The following LRBA variants were observed in gnomAD, a reference collection of about 807,000 sequenced individuals.
LRBA encodes the protein LPS responsive beige-like anchor protein.
Under a neutral mutation model 330.0 loss-of-function variants are expected in LRBA, and 176 were observed. The observed-to-expected ratio is 0.53, with a 90% CI of 0.47 to 0.60. LRBA has a LOEUF of 0.60. Ranked by LOEUF, LRBA falls within the 20% of genes least tolerant of loss-of-function variation. The probability of loss-of-function intolerance (pLI) is 0.00; values close to 1 mark genes in which losing one functional copy is unlikely to be tolerated. For synonymous variants in LRBA, 1,230 were observed against 1,193.0 expected, an observed-to-expected ratio of 1.03 and a Z score of -0.64; for missense variants, 3,259 against 3,444.8, an observed-to-expected ratio of 0.95 and a Z score of 1.35.
intron 36 of LRBA, 147 bp downstream of exon 36, chr4:150,735,110 AC>A (rs1731013547): frequency 6.3e-6 from 4 of 633,502 alleles, no homozygotes; most frequent in Admixed American, 2.6e-5. Context: ...ATCTCCCAGA[AC>A]CCCCATGACT....
In LRBA at chr4:150,929,085, A is replaced by G. The variant is rs757215321; in HGVS notation, c.217-20T>C. The G allele has an allele frequency of 5.3e-6, 8 of 1,510,728 alleles. No homozygotes were observed. The highest frequency in any genetic ancestry group is 7.3e-6 in the Non-Finnish European group (8 of 1,094,582). 93.6% of individuals were successfully genotyped at this position (1,510,728 alleles called of 1,614,324 possible). A position where few individuals can be genotyped will look rare whatever the true frequency, so the allele number is the denominator to read the frequency against. On this transcript the variant is annotated intron_variant, in intron 2 of 56. Transcript: ENST00000651943. ...TACCAACTTACAAGGAAAAAAAAAA[A>G]ACACATTAAAAGCATTAGTATCCTC... is the stretch of plus-strand genomic sequence containing the variant.
chr4:150,958,114 G>A (rs1278937518), intron 2 of LRBA, among the ~76,000 whole-genome samples: 4 of 149,046 alleles, frequency 2.7e-5, no homozygotes, highest in East Asian at 1.9e-4. Context: ...CTGTGGAGGC[G>A]CTTGTACCCC....
chr4:150,378,702 T>C (rs1741726647), intron 47 of LRBA, among the ~76,000 whole-genome samples: 1 of 152,068 alleles, frequency 6.6e-6, no homozygotes, highest in Admixed American at 6.5e-5. Context: ...ATAGCTACCA[T>C]CCAAAGGTAA....
intron 29 of LRBA, 107 bp from the exon 30 acceptor site, chr4:150,828,728 T>C: frequency 2.0e-6 from 2 of 1,015,650 alleles, no homozygotes; most frequent in Non-Finnish European, 1.4e-6. Flanking sequence ...AATTATGAAA[T>C]ACATCATGTT....
At chr4:150,533,479 A>ATTT (rs75636793) in intron 40 of LRBA, among the ~76,000 whole-genome samples, 117 of 151,072 alleles carry the variant, frequency 7.7e-4, no homozygotes, top group African/African-American at 2.4e-3. Flanking sequence ...GCCAAAACCC[A>ATTT]TTTTTTTTTA....
chr4:150,662,095 T>C (rs1379562135), intron 37 of LRBA, among the ~76,000 whole-genome samples: 1 of 152,190 alleles, frequency 6.6e-6, no homozygotes, highest in African/African-American at 2.4e-5. Flanking sequence ...GTGTCTAAAA[T>C]ACACTTTAAA....
chr4:150,626,054 A>G (rs1454992670), intron 37 of LRBA, among the ~76,000 whole-genome samples: 2 of 151,890 alleles, frequency 1.3e-5, no homozygotes, highest in African/African-American at 2.4e-5. Context: ...GGATGAAAAA[A>G]CAATTGGATT....
intron 37 of LRBA, among the ~76,000 whole-genome samples, chr4:150,642,767 T>C (rs1778798642): frequency 6.6e-6 from 1 of 151,872 alleles, no homozygotes; most frequent in South Asian, 2.1e-4. Flanking sequence ...ACTTCACAGT[T>C]ATAAGACAGA....
At chr4:151,008,174 G>A (rs778091604) in intron 2 of LRBA, among the ~76,000 whole-genome samples, 8 of 150,708 alleles carry the variant, frequency 5.3e-5, no homozygotes, top group Non-Finnish European at 1.0e-4. Flanking sequence ...TCCGCCTCCC[G>A]GGTTCAAGCA....
intron 17 of LRBA, 93 bp downstream of exon 17, chr4:150,892,959 C>A: frequency 1.4e-6 from 1 of 734,054 alleles, no homozygotes; most frequent in South Asian, 2.5e-5. Context: ...AAACTCATTT[C>A]ATATGTAAGT....
At chr4:150,391,714 GGT>G (rs1400611266) in intron 47 of LRBA, among the ~76,000 whole-genome samples, 5 of 152,004 alleles carry the variant, frequency 3.3e-5, no homozygotes, top group African/African-American at 1.2e-4. Flanking sequence ...AGATATAATT[GGT>G]CAATAATTAC....
chr4:150,265,523 C>G lies in LRBA; in HGVS notation c.*199G>C. ...TATAGATTTTTTAAAACTACAGAACCCAGCAGCCAGTTTTCTGCTTTGCTA... is the reference window on the plus strand; with the variant it reads ...TATAGATTTTTTAAAACTACAGAACGCAGCAGCCAGTTTTCTGCTTTGCTA... On this transcript the variant is annotated 3_prime_UTR_variant, in exon 57 of 57. Coordinates refer to ENST00000651943, the MANE Select transcript of LRBA (RefSeq NM_001364905.1). The G allele has an allele frequency of 6.0e-6, 3 of 496,846 alleles. No individual in the cohort carries two copies. The South Asian group carries it at 8.0e-5, about 13-fold the overall frequency. 30.8% of individuals were successfully genotyped at this position (496,846 alleles called of 1,614,324 possible).
At chr4:150,282,390 C>A (rs1747649419) in intron 55 of LRBA, 60 bp downstream of exon 55, 2 of 1,466,218 alleles carry the variant, frequency 1.4e-6, no homozygotes, top group African/African-American at 2.8e-5. Context: ...CCTCTCCCTC[C>A]CCACTTGACA....
chr4:150,848,397 T>C (rs1031503411), intron 26 of LRBA, among the ~76,000 whole-genome samples: 1 of 152,032 alleles, frequency 6.6e-6, no homozygotes, highest in South Asian at 2.1e-4. Flanking sequence ...CTTAAGTTTA[T>C]GTATCTCCTT....
intron 5 of LRBA, among the ~76,000 whole-genome samples, chr4:150,917,764 T>TA (rs1020178834): frequency 6.6e-5 from 10 of 151,622 alleles, no homozygotes; most frequent in Non-Finnish European, 1.0e-4. Context: ...CTGCCTCTAC[T>TA]AAAAAAATAC....
chr4:150,373,177 G>GAGAC (rs1740720750), intron 47 of LRBA, among the ~76,000 whole-genome samples: 1 of 146,272 alleles, frequency 6.8e-6, no homozygotes, highest in African/African-American at 2.6e-5. Flanking sequence ...GTGTGTGAGA[G>GAGAC]AGAGAGAGAG....
chr4:150,831,827 T>C lies in LRBA; in HGVS notation c.4719A>G (p.Val1573=), dbSNP rs765621052. The change falls in exon 29 of 57, where the codon GTA becomes GTG. Residue 1573 remains valine, a synonymous_variant. Coordinates refer to ENST00000651943, the MANE Select transcript of LRBA (RefSeq NM_001364905.1). ...CTETGSENEN[V]SLSEITPAAF... is the part of the protein sequence containing the mutation. ...AAAATGCAAACTTACCAGAGAGTGA[T>C]ACATTCTCATTTTCACTGCCAGTTT... The C allele has an allele frequency of 2.0e-5, 32 of 1,596,040 alleles. No homozygotes were observed. Among genetic ancestry groups the C allele is most frequent in the Middle Eastern group, 3.3e-4 (2 of 6,048 alleles).
In LRBA at chr4:150,467,112, C is replaced by T. The variant is rs138319763; in HGVS notation, c.6780+561G>A. On this transcript the variant is annotated intron_variant, in intron 44 of 56. Coordinates refer to ENST00000651943, the MANE Select transcript of LRBA (RefSeq NM_001364905.1). Reference sequence around the variant, plus strand: ...TCCCAGTAATAACTTCAAGAAGCTCCCCCGGTCAAAGAAAGAACAACTGAA... The same window carrying T: ...TCCCAGTAATAACTTCAAGAAGCTCTCCCGGTCAAAGAAAGAACAACTGAA... Among the ~76,000 whole-genome samples, 1,012 of 152,054 alleles carry T rather than the reference C, an allele frequency of 6.7e-3. 43 individuals are homozygous for T. Among genetic ancestry groups the T allele is most frequent in the Admixed American group, 0.052 (795 of 15,254 alleles).
chr4:150,623,464 T>G (rs1776516981), intron 37 of LRBA, among the ~76,000 whole-genome samples: 1 of 152,066 alleles, frequency 6.6e-6, no homozygotes, highest in African/African-American at 2.4e-5. Context: ...TAAAAAATAA[T>G]GAGGTAGATA....
Sources: gnomAD v4.1 joint callset for allele counts (sites outside exome capture counted in the v4.1 genomes callset) on GRCh38, gnomAD v4.1.1 for gene constraint, MANE v1.5 for transcripts, NCBI Gene and HGNC (gene_info 2026-07-23, HGNC 2026-07-21) for gene names.